The following SCAI variants were observed in gnomAD, a reference collection of about 807,000 sequenced individuals.
SCAI encodes protein SCAI.
A neutral mutation model predicts 92.2 loss-of-function variants in SCAI; 24 were observed. The observed-to-expected ratio is 0.26, with a 90% CI of 0.19 to 0.37. SCAI has a LOEUF of 0.37. Among genes scored for constraint, SCAI ranks in the 10% least tolerant of loss-of-function variants. The pLI is 1.00. For synonymous variants in SCAI, 261 were observed against 258.6 expected (o/e 1.01, Z -0.09); for missense variants, 450 against 736.2 (o/e 0.61, Z 4.50).
chr9:124,980,181 A>T (rs2131599617), intron 14 of SCAI, among the ~76,000 whole-genome samples: 1 of 152,298 alleles, frequency 6.6e-6, no homozygotes, highest in South Asian at 2.1e-4. Context: ...ACAGATCCCT[A>T]AAGATGGCTT....
At chr9:125,003,722 G>A (rs1832413408) in intron 9 of SCAI, 152 bp from the exon 10 acceptor site, 5 of 597,820 alleles carry the variant, frequency 8.4e-6, no homozygotes, top group African/African-American at 3.7e-5. Context: ...ATTTTCAAGC[G>A]ATGGAAAGAC....
chr9:125,009,494 T>C (rs894598311), intron 9 of SCAI, among the ~76,000 whole-genome samples: 7 of 151,810 alleles, frequency 4.6e-5, no homozygotes, highest in African/African-American at 1.5e-4. Flanking sequence ...GGTCTAGAAC[T>C]CCTGACCCTC....
chr9:124,962,527 G>A (rs1346754766), intron 17 of SCAI, among the ~76,000 whole-genome samples: 2 of 152,088 alleles, frequency 1.3e-5, no homozygotes, highest in Non-Finnish European at 2.9e-5. Context: ...AGATAAAAAG[G>A]TATTTCACAA....
At chr9:125,023,840 C>T (rs1388638298) in intron 6 of SCAI, among the ~76,000 whole-genome samples, 1 of 152,062 alleles carries the variant, frequency 6.6e-6, no homozygotes, top group African/African-American at 2.4e-5. Flanking sequence ...CAGCAAAGCA[C>T]AGATTAAATG....
intron 3 of SCAI, among the ~76,000 whole-genome samples, chr9:125,053,853 C>T (rs1257113011): frequency 1.3e-5 from 2 of 152,208 alleles, no homozygotes; most frequent in Non-Finnish European, 1.5e-5. Flanking sequence ...AAAATGGGGT[C>T]CGAGCTATTA....
At chr9:125,042,109 G>C (rs1344355954) in intron 3 of SCAI, among the ~76,000 whole-genome samples, 1 of 152,104 alleles carries the variant, frequency 6.6e-6, no homozygotes, top group African/African-American at 2.4e-5. Flanking sequence ...ATAGGGCTCT[G>C]AATTACCCCA....
intron 3 of SCAI, among the ~76,000 whole-genome samples, chr9:125,055,613 A>G (rs1833645086): frequency 6.6e-6 from 1 of 152,218 alleles, no homozygotes; most frequent in Non-Finnish European, 1.5e-5. Context: ...TTAAAATCAG[A>G]TCTGGTGTGA....
rs1211699763 is a variant in SCAI, at chr9:125,046,234, C to CAT, written c.230+9640_230+9641dup. Among the ~76,000 whole-genome samples, 4 of 68,660 alleles carry CAT rather than the reference C, an allele frequency of 5.8e-5. No individual in the cohort carries two copies. In the East Asian group the frequency reaches 1.4e-3, roughly 25 times the overall value. 45.0% of individuals were successfully genotyped at this position (68,660 alleles called of 152,430 possible). A position where few individuals can be genotyped will look rare whatever the true frequency, so the allele number is the denominator to read the frequency against. ...ATATATATATATATATGCACACACA[C>CAT]ATATATATACATATATATACACATA... is the stretch of plus-strand genomic sequence containing the variant. On this transcript the variant is annotated intron_variant, in intron 3 of 17. Transcript: ENST00000336505.
chr9:125,107,417 A>G lies in SCAI; in HGVS notation c.98+35216T>C, dbSNP rs534075334. Among the ~76,000 whole-genome samples the G allele has an allele frequency of 1.8e-4, 28 of 151,478 alleles. No individual in the cohort carries two copies. The East Asian group carries it at 4.6e-3, about 25-fold the overall frequency. ...AGGGAGACACTGTCTCAAAAAAAAA[A>G]AAAAAGAAAAAGAAAAGAAAAAGAA... On this transcript the variant is annotated intron_variant, in intron 2 of 17. Coordinates refer to ENST00000336505, the MANE Select transcript of SCAI (RefSeq NM_001144877.3).
intron 3 of SCAI, among the ~76,000 whole-genome samples, chr9:125,040,785 C>T (rs746141902): frequency 1.5e-4 from 22 of 148,464 alleles, no homozygotes; most frequent in Non-Finnish European, 2.6e-4. Flanking sequence ...ACCACCATGT[C>T]CAATTAATTT....
At chr9:125,005,417 C>T (rs1564375132) in intron 9 of SCAI, among the ~76,000 whole-genome samples, 1 of 152,106 alleles carries the variant, frequency 6.6e-6, no homozygotes, top group South Asian at 2.1e-4. Flanking sequence ...CTGCAACCTC[C>T]GCCTCCCACG....
chr9:125,012,131 C>T (rs1832653657), intron 9 of SCAI, among the ~76,000 whole-genome samples: 1 of 152,102 alleles, frequency 6.6e-6, no homozygotes, highest in Non-Finnish European at 1.5e-5. Flanking sequence ...AACTAACGAG[C>T]AAAATAACCA....
At chr9:125,000,401 G>A (rs1312366594) in intron 12 of SCAI, among the ~76,000 whole-genome samples, 1 of 152,130 alleles carries the variant, frequency 6.6e-6, no homozygotes, top group Non-Finnish European at 1.5e-5. Flanking sequence ...TGTAATCCCA[G>A]CACTTTGGGA....
chr9:125,126,422 T>TGTGAGA (rs1554794249), intron 2 of SCAI, among the ~76,000 whole-genome samples: 1 of 142,898 alleles, frequency 7.0e-6, no homozygotes, highest in East Asian at 2.3e-4. Flanking sequence ...TGTGTGTGTG[T>TGTGAGA]GAGAGAGAGA....
intron 15 of SCAI, chr9:124,975,427 T>G (rs1237210030): frequency 4.4e-6 from 2 of 452,938 alleles, no homozygotes; most frequent in East Asian, 7.0e-5. Flanking sequence ...CAGTGACAAG[T>G]ACTGCTAAAA....
At chr9:125,062,708 T>C (rs1232576669) in intron 2 of SCAI, among the ~76,000 whole-genome samples, 5 of 148,778 alleles carry the variant, frequency 3.4e-5, no homozygotes, top group South Asian at 2.1e-4. Context: ...TGAGCCAAAA[T>C]TGCAAAACAA....
At chr9:125,106,722 C>CTTTT (rs34740170) in intron 2 of SCAI, among the ~76,000 whole-genome samples, 3 of 113,364 alleles carry the variant, frequency 2.6e-5, no homozygotes, top group Non-Finnish European at 3.6e-5. Context: ...TTTTCTTTTC[C>CTTTT]TTTTTTTTTT....
At chr9:125,032,189 A>ATTTTTTTT (rs1440287800) in intron 3 of SCAI, among the ~76,000 whole-genome samples, 4 of 81,306 alleles carry the variant, frequency 4.9e-5, no homozygotes, top group African/African-American at 2.3e-4. Context: ...ATATATATAT[A>ATTTTTTTT]TATATATTTT....
At chr9:125,031,167 C>G (rs1312199641) in intron 3 of SCAI, among the ~76,000 whole-genome samples, 1 of 151,888 alleles carries the variant, frequency 6.6e-6, no homozygotes, top group East Asian at 1.9e-4. Flanking sequence ...AGTCGTGTCT[C>G]AAAGAATTTA....
Sources: gnomAD v4.1 joint callset for allele counts (sites outside exome capture counted in the v4.1 genomes callset) on GRCh38, gnomAD v4.1.1 for gene constraint, MANE v1.5 for transcripts, NCBI Gene and HGNC (gene_info 2026-07-23, HGNC 2026-07-21) for gene names.